CLEC16A: variants seen among roughly 807,000 people sequenced by gnomAD.
The protein encoded by CLEC16A is C-type lectin domain containing 16A.
A neutral mutation model predicts 109.5 loss-of-function variants in CLEC16A; 51 were observed. That is an observed-to-expected ratio of 0.47 (90% CI 0.37 to 0.59). The LOEUF is 0.59. Ranked by LOEUF, CLEC16A falls within the 20% of genes least tolerant of loss-of-function variation. CLEC16A has a pLI of 0.00. For synonymous variants in CLEC16A, 673 were observed against 564.2 expected (o/e 1.19, Z -2.73); for missense variants, 1,339 against 1,394.0 (o/e 0.96, Z 0.63).
chr16:11,125,696 C>T (rs1290741048), intron 21 of CLEC16A, among the ~76,000 whole-genome samples: 1 of 152,240 alleles, frequency 6.6e-6, no homozygotes, highest in East Asian at 1.9e-4. Flanking sequence ...GAAATTGACC[C>T]AGCTTCCATT....
At chr16:11,092,767 G>C (rs999225694) in intron 19 of CLEC16A, among the ~76,000 whole-genome samples, 4 of 152,228 alleles carry the variant, frequency 2.6e-5, no homozygotes, top group African/African-American at 9.7e-5. Context: ...TGTCGTCTAT[G>C]AGCTGTATGA....
intron 3 of CLEC16A, 74 bp from the exon 4 acceptor site, chr16:10,969,087 T>C: frequency 8.0e-7 from 1 of 1,248,410 alleles, no homozygotes; most frequent in Non-Finnish European, 1.1e-6. Context: ...TACATTAACG[T>C]GGTCATCTGC....
chr16:11,016,819 T>C (rs538090327), intron 11 of CLEC16A, among the ~76,000 whole-genome samples: 4 of 152,310 alleles, frequency 2.6e-5, no homozygotes, highest in African/African-American at 9.6e-5. Context: ...AGTACAAAAC[T>C]ATGCAAACAA....
intron 19 of CLEC16A, among the ~76,000 whole-genome samples, chr16:11,119,651 C>T (rs986379134): frequency 6.6e-6 from 1 of 152,178 alleles, no homozygotes; most frequent in South Asian, 2.1e-4. Context: ...CTCGGACTCC[C>T]AAAGTGCTGG....
chr16:11,047,402 C>G (rs1308552581), intron 17 of CLEC16A, 60 bp downstream of exon 17: 2 of 1,343,602 alleles, frequency 1.5e-6, no homozygotes, highest in African/African-American at 3.0e-5. Flanking sequence ...GCCAAGCTCC[C>G]CCTGCCCATC....
Position 11,170,374 on chromosome 16 carries a change from C to T in CLEC16A, c.2806+3822C>T, listed in dbSNP as rs538298520. Among the ~76,000 whole-genome samples, 6 of 152,344 alleles carry T rather than the reference C, an allele frequency of 3.9e-5. No homozygotes were observed. In the South Asian group the frequency reaches 1.2e-3, roughly 32 times the overall value. On this transcript the variant is annotated intron_variant, in intron 23 of 23. Transcript: ENST00000409790. ...CCCCAGGGAGCCCACGTGGGTTCAT[C>T]CCACATGAGGCAGTGAAACCAGCTG...
At chr16:11,073,291 T>C (rs1019508686) in intron 19 of CLEC16A, among the ~76,000 whole-genome samples, 12 of 152,152 alleles carry the variant, frequency 7.9e-5, no homozygotes, top group African/African-American at 2.9e-4. Flanking sequence ...AGACATTTAA[T>C]GGAGCAGCTG....
chr16:10,967,119 T>C (rs2042550154), intron 3 of CLEC16A, among the ~76,000 whole-genome samples: 1 of 152,198 alleles, frequency 6.6e-6, no homozygotes, highest in African/African-American at 2.4e-5. Flanking sequence ...CTGTCTGCCA[T>C]GCCTGCTCAG....
At chr16:11,129,543 A>T (rs2053051355) in intron 22 of CLEC16A, among the ~76,000 whole-genome samples, 1 of 152,212 alleles carries the variant, frequency 6.6e-6, no homozygotes, top group Non-Finnish European at 1.5e-5. Context: ...TATTTTTATG[A>T]AAACAAGGAT....
At chr16:11,073,980 T>A (rs1238346911) in intron 19 of CLEC16A, among the ~76,000 whole-genome samples, 3 of 152,240 alleles carry the variant, frequency 2.0e-5, no homozygotes, top group African/African-American at 7.2e-5. Context: ...TTAACATACA[T>A]TTGAATAGTC....
Position 10,969,381 on chromosome 16 carries a change from G to T in CLEC16A, c.492+72G>T, listed in dbSNP as rs1017889658. The T allele has an allele frequency of 4.7e-6, 5 of 1,056,896 alleles. No homozygotes were observed. The African/African-American group carries it at 8.4e-5, about 18-fold the overall frequency. The allele number at this position is 1,056,896 out of a possible 1,614,324, so 65.5% of individuals were successfully genotyped here. ...GCTTTTTTTTTTTTTTTTTACGGCA[G>T]CGCCTTATATCTGGATGGTCTTGTG... On this transcript the variant is annotated intron_variant, in intron 4 of 23. Transcript: ENST00000409790.
chr16:10,999,860 A>C (rs1222325105), intron 10 of CLEC16A, among the ~76,000 whole-genome samples: 1 of 152,124 alleles, frequency 6.6e-6, no homozygotes, highest in Non-Finnish European at 1.5e-5. Context: ...TTTGAGACGG[A>C]GTCTCACTCT....
At chr16:11,039,299 G>A (rs1275305822) in intron 13 of CLEC16A, among the ~76,000 whole-genome samples, 1 of 152,160 alleles carries the variant, frequency 6.6e-6, no homozygotes, top group Non-Finnish European at 1.5e-5. Context: ...TCATTGGCTA[G>A]CATGCAAAAA....
intron 10 of CLEC16A, among the ~76,000 whole-genome samples, chr16:10,987,211 G>A (rs572278785): frequency 8.6e-5 from 13 of 151,762 alleles, no homozygotes; most frequent in Admixed American, 2.0e-4. Context: ...ATAGATTTGC[G>A]TGCAGTTGTA....
In CLEC16A at chr16:11,126,054, A is replaced by G; in HGVS notation, c.2549A>G (p.His850Arg). Reference sequence around the variant, plus strand: ...CTCGGCTCCTCCACCTCCACTCAGCACCTGCCTTTCCGCTTCTACGACCAG... The same window carrying G: ...CTCGGCTCCTCCACCTCCACTCAGCGCCTGCCTTTCCGCTTCTACGACCAG... ...FGLGSSTSTQHLPFRFYDQGR... is the reference protein window; with the variant it reads ...FGLGSSTSTQRLPFRFYDQGR... The change falls in exon 22 of 24, where the codon CAC (histidine) becomes CGC (arginine). Residue 850 changes from histidine (H) to arginine (R), a missense_variant. Physicochemically the swap from His to Arg is conservative, Grantham distance 29. Transcript: ENST00000409790. The G allele has an allele frequency of 6.2e-7, 1 of 1,613,588 alleles. No homozygotes were observed. The highest frequency in any genetic ancestry group is 8.5e-7 in the Non-Finnish European group (1 of 1,179,822).
chr16:11,157,046 A>T (rs1470448964), intron 22 of CLEC16A: 2 of 1,300,756 alleles, frequency 1.5e-6, no homozygotes, highest in Non-Finnish European at 1.0e-6. Flanking sequence ...AGAAAGCAAG[A>T]TACTGAAAGA....
intron 19 of CLEC16A, among the ~76,000 whole-genome samples, chr16:11,095,594 C>A (rs938686860): frequency 1.3e-5 from 2 of 152,094 alleles, no homozygotes; most frequent in African/African-American, 2.4e-5. Flanking sequence ...GGCAGATCAC[C>A]TGAGATCAGG....
At chr16:11,138,665 C>T (rs1407586391) in intron 22 of CLEC16A, among the ~76,000 whole-genome samples, 2 of 152,224 alleles carry the variant, frequency 1.3e-5, no homozygotes, top group Admixed American at 6.5e-5. Flanking sequence ...TTGCCACTTA[C>T]TTGTACTATA....
At chr16:10,998,836 T>A (rs1191570008) in intron 10 of CLEC16A, among the ~76,000 whole-genome samples, 1 of 152,110 alleles carries the variant, frequency 6.6e-6, no homozygotes, top group African/African-American at 2.4e-5. Flanking sequence ...GGGGCCCTTC[T>A]CCTAGGGGCT....
Sources: allele counts gnomAD v4.1 joint callset (sites outside exome capture counted in the v4.1 genomes callset), GRCh38; gene constraint gnomAD v4.1.1; transcripts MANE v1.5; gene names NCBI Gene and HGNC (gene_info 2026-07-23, HGNC 2026-07-21).